The following PTK2B variants were observed in gnomAD, a reference collection of about 807,000 sequenced individuals.
PTK2B encodes protein tyrosine kinase 2 beta.
A neutral mutation model predicts 142.9 loss-of-function variants in PTK2B; 71 were observed. That is an observed-to-expected ratio of 0.50 (90% CI 0.41 to 0.61). The LOEUF (loss-of-function observed/expected upper bound fraction) is 0.61. PTK2B is among the 20% of genes least tolerant of loss of function. PTK2B has a pLI of 0.00. For missense variants in PTK2B, 1,105 were observed against 1,320.4 expected (o/e 0.84, Z 2.53); for synonymous variants, 519 against 503.4 (o/e 1.03, Z -0.42).
At chr8:27,350,177 T>C (rs1804959562) in intron 1 of PTK2B, among the ~76,000 whole-genome samples, 1 of 152,254 alleles carries the variant, frequency 6.6e-6, no homozygotes, top group African/African-American at 2.4e-5. Flanking sequence ...GGTGGCTGTG[T>C]ATTTAGTAGC....
At chr8:27,445,106 ACAC>A (rs1316504520) in intron 23 of PTK2B, among the ~76,000 whole-genome samples, 1 of 152,220 alleles carries the variant, frequency 6.6e-6, no homozygotes, top group Admixed American at 6.5e-5. Flanking sequence ...AGGGTGGAAC[ACAC>A]CTGTAGTCCC....
rs373796917 is a variant in PTK2B, at chr8:27,420,772, G to A, written c.471+28G>A. On this transcript the variant is annotated intron_variant, in intron 4 of 30. Coordinates refer to ENST00000346049, the MANE Select transcript of PTK2B (RefSeq NM_173176.3). ...AAAAAGTACTTTATCTTCTTGCCCC[G>A]AGGCTCCCATTACACCTCAAATGCC... 1.6e-4 allele frequency: 248 copies of A among 1,572,680 alleles called. 1 individual carries two copies. Among genetic ancestry groups the A allele is most frequent in the Middle Eastern group, 5.0e-4 (3 of 5,996 alleles).
chr8:27,450,331 C>T (rs924202555), intron 24 of PTK2B, among the ~76,000 whole-genome samples: 1 of 152,052 alleles, frequency 6.6e-6, no homozygotes, highest in Non-Finnish European at 1.5e-5. Flanking sequence ...CAAAGCCAGC[C>T]CCTTGGAAAC....
At chr8:27,423,750 G>A (rs75969311) in intron 5 of PTK2B, among the ~76,000 whole-genome samples, 2,514 of 152,254 alleles carry the variant, frequency 0.017, 40 homozygotes, top group Non-Finnish European at 0.026. Context: ...GGAGTCCTCC[G>A]GTGGGGCCAG....
At chr8:27,387,321 T>C (rs970542190) in intron 1 of PTK2B, among the ~76,000 whole-genome samples, 4 of 152,134 alleles carry the variant, frequency 2.6e-5, no homozygotes, top group Admixed American at 2.0e-4. Context: ...TTGGGAGATA[T>C]CAGTGAGGTA....
intron 1 of PTK2B, among the ~76,000 whole-genome samples, chr8:27,396,641 G>A (rs1168701027): frequency 6.6e-6 from 1 of 152,256 alleles, no homozygotes; most frequent in Non-Finnish European, 1.5e-5. Flanking sequence ...TCTAGAGCTA[G>A]AATATCCACT....
chr8:27,384,250 C>A (rs1460793205), intron 1 of PTK2B, among the ~76,000 whole-genome samples: 4 of 152,210 alleles, frequency 2.6e-5, no homozygotes, highest in Admixed American at 6.5e-5. Flanking sequence ...CCTGCCTCAG[C>A]CTTGCAAAAT....
chr8:27,374,346 C>T lies in PTK2B; in HGVS notation c.-37-23202C>T, dbSNP rs79619320. Among the ~76,000 whole-genome samples, 809 of 152,316 alleles carry T rather than the reference C, an allele frequency of 5.3e-3. 9 individuals carry two copies. The highest frequency in any genetic ancestry group is 0.037 in the East Asian group (194 of 5,188). On this transcript the variant is annotated intron_variant, in intron 1 of 30. Transcript: ENST00000346049. ...TCCAGTATGGTAGGACATGCAGATG[C>T]AGAGATGACTGTCATGAAGGAAGAA...
chr8:27,443,346 C>G (rs1811277222), intron 22 of PTK2B, among the ~76,000 whole-genome samples: 1 of 152,330 alleles, frequency 6.6e-6, no homozygotes, highest in Non-Finnish European at 1.5e-5. Flanking sequence ...GCATGGCCAC[C>G]CTGAGCTCAG....
chr8:27,419,960 T>C lies in PTK2B; in HGVS notation c.270T>C (p.Tyr90=), dbSNP rs375995220. ...CCAACATCCGGTTGGCTGAGTGCTA[T>C]GGGCTGAGGCTGAAGCACATGAAGT... ...IGPNIRLAEC[Y]GLRLKHMKSD... is the part of the protein sequence containing the mutation. The change falls in exon 3 of 31, where the codon TAT becomes TAC. Residue 90 remains tyrosine, a synonymous_variant. Coordinates refer to ENST00000346049, the MANE Select transcript of PTK2B (RefSeq NM_173176.3). 5 of 1,614,080 alleles carry C rather than the reference T, an allele frequency of 3.1e-6. No homozygotes were observed. In the African/African-American group the frequency reaches 5.3e-5, roughly 17 times the overall value.
At chr8:27,455,652 C>T (rs924047726) in intron 30 of PTK2B, among the ~76,000 whole-genome samples, 1 of 152,230 alleles carries the variant, frequency 6.6e-6, no homozygotes, top group African/African-American at 2.4e-5. Flanking sequence ...AAGGCAGCAG[C>T]CTGTCAGAGC....
At chr8:27,334,076 C>A (rs891783386) in intron 1 of PTK2B, among the ~76,000 whole-genome samples, 1 of 152,132 alleles carries the variant, frequency 6.6e-6, no homozygotes, top group Non-Finnish European at 1.5e-5. Context: ...CCACTTTTTT[C>A]TGCTCATATC....
At chr8:27,396,281 C>T (rs190858065) in intron 1 of PTK2B, 1 of 152,344 alleles carries the variant, frequency 6.6e-6, no homozygotes, top group South Asian at 2.1e-4. Context: ...TAAATACATA[C>T]AGGCTATGAT....
chr8:27,348,775 G>C (rs1276620946), intron 1 of PTK2B, among the ~76,000 whole-genome samples: 1 of 152,018 alleles, frequency 6.6e-6, no homozygotes. Context: ...GCTTGCACTT[G>C]TTGTCAGGAT....
chr8:27,355,273 A>T (rs1805331383), intron 1 of PTK2B, among the ~76,000 whole-genome samples: 1 of 152,212 alleles, frequency 6.6e-6, no homozygotes, highest in Non-Finnish European at 1.5e-5. Context: ...CAGGAAGGTC[A>T]GAGTAAGAGA....
intron 1 of PTK2B, among the ~76,000 whole-genome samples, chr8:27,359,086 C>G (rs1053446879): frequency 2.0e-5 from 3 of 152,018 alleles, no homozygotes; most frequent in Non-Finnish European, 4.4e-5. Flanking sequence ...ACTTTGCATA[C>G]CTTCTTTTTT....
chr8:27,339,640 G>A (rs1362106142), intron 1 of PTK2B, among the ~76,000 whole-genome samples: 2 of 152,204 alleles, frequency 1.3e-5, no homozygotes, highest in Non-Finnish European at 2.9e-5. Flanking sequence ...GGAAGAAGTT[G>A]GGACAATGGA....
intron 2 of PTK2B, among the ~76,000 whole-genome samples, chr8:27,419,552 C>G (rs1809614145): frequency 6.6e-6 from 1 of 152,208 alleles, no homozygotes; most frequent in Non-Finnish European, 1.5e-5. Context: ...GCAAACCACT[C>G]AGAAGGTCTG....
intron 2 of PTK2B, among the ~76,000 whole-genome samples, chr8:27,416,861 C>T (rs1355901689): frequency 6.6e-6 from 1 of 152,114 alleles, no homozygotes; most frequent in African/African-American, 2.4e-5. Flanking sequence ...AAAACATGTT[C>T]AATATCATTA....
Sources: gnomAD v4.1 joint callset for allele counts (sites outside exome capture counted in the v4.1 genomes callset) on GRCh38, gnomAD v4.1.1 for gene constraint, MANE v1.5 for transcripts, NCBI Gene and HGNC (gene_info 2026-07-23, HGNC 2026-07-21) for gene names.